Variants in GRIN3A observed in about 807,000 individuals in gnomAD.
The protein encoded by GRIN3A is glutamate ionotropic receptor NMDA type subunit 3A, also known as glutamate receptor ionotropic, NMDA 3A.
A neutral mutation model predicts 92.4 loss-of-function variants in GRIN3A; 47 were observed. The ratio of observed to expected loss-of-function variants is 0.51; its 90% CI spans 0.40 to 0.65. The LOEUF is 0.65. Among genes scored for constraint, GRIN3A ranks in the 30% least tolerant of loss-of-function variants. The pLI, the probability that GRIN3A is intolerant of heterozygous loss-of-function variation, is 0.00. For synonymous variants in GRIN3A, 527 were observed against 540.6 expected (o/e 0.97, Z 0.35); for missense variants, 1,324 against 1,393.1 (o/e 0.95, Z 0.79).
chr9:101,636,365 A>G (rs1828785721), intron 3 of GRIN3A, among the ~76,000 whole-genome samples: 1 of 152,136 alleles, frequency 6.6e-6, no homozygotes, highest in African/African-American at 2.4e-5. Context: ...CCTTCATTCC[A>G]GGCACTGTGC....
At chr9:101,692,522 A>C (rs1369067553) in intron 1 of GRIN3A, among the ~76,000 whole-genome samples, 1 of 152,224 alleles carries the variant, frequency 6.6e-6, no homozygotes, top group Non-Finnish European at 1.5e-5. Context: ...GTTTAAGAGA[A>C]GAGAAAAGAT....
intron 3 of GRIN3A, among the ~76,000 whole-genome samples, chr9:101,658,752 G>GTCTATCTATCTATCTATCTATCTA (rs1246362172): frequency 1.4e-5 from 2 of 139,120 alleles, no homozygotes; most frequent in Non-Finnish European, 3.2e-5. Flanking sequence ...CTATCTATCT[G>GTCTATCTATCTATCTATCTATCTA]TCTATCTGTC....
chr9:101,677,108 T>C (rs963302112), intron 2 of GRIN3A, among the ~76,000 whole-genome samples: 1 of 152,048 alleles, frequency 6.6e-6, no homozygotes, highest in African/African-American at 2.4e-5. Flanking sequence ...ACAGCCAATT[T>C]TGATATTTCA....
rs1449317674 is a variant in GRIN3A, at chr9:101,579,355, C to G, written c.2772G>C (p.Leu924Phe). 5 of 1,613,720 alleles carry G rather than the reference C, an allele frequency of 3.1e-6. No individual in the cohort carries two copies. The highest frequency in any genetic ancestry group is 4.2e-6 in the Non-Finnish European group (5 of 1,179,856). ...CAGAGAAGTGTTTGATGCCCATTTG[C>G]AAAGTCTGTGACAGAATAGGAAAGA... ...GKRSFAVTET[L>F]QMGIKHFSGL... Residue 924 changes from leucine (L) to phenylalanine (F), a missense_variant, in exon 7 of 9, where the codon TTG (leucine) becomes TTC (phenylalanine). Leu to Phe is a conservative substitution (Grantham distance 22). Coordinates refer to ENST00000361820, the MANE Select transcript of GRIN3A (RefSeq NM_133445.3).
At chr9:101,646,661 C>A (rs1054916854) in intron 3 of GRIN3A, among the ~76,000 whole-genome samples, 10 of 151,788 alleles carry the variant, frequency 6.6e-5, no homozygotes, top group African/African-American at 2.4e-4. Context: ...CATAGGATAT[C>A]TTTCCATTTT....
intron 1 of GRIN3A, among the ~76,000 whole-genome samples, chr9:101,690,327 T>G (rs1829598515): frequency 6.6e-6 from 1 of 152,218 alleles, no homozygotes; most frequent in Non-Finnish European, 1.5e-5. Flanking sequence ...CACTTTGAAT[T>G]GAATCTTCAT....
intron 3 of GRIN3A, among the ~76,000 whole-genome samples, chr9:101,630,696 C>T (rs923029125): frequency 3.3e-5 from 5 of 152,158 alleles, no homozygotes; most frequent in Non-Finnish European, 5.9e-5. Flanking sequence ...AAAATTTTCA[C>T]AATAATCTTA....
chr9:101,618,680 A>G (rs1828504038), intron 5 of GRIN3A, among the ~76,000 whole-genome samples: 1 of 152,168 alleles, frequency 6.6e-6, no homozygotes, highest in African/African-American at 2.4e-5. Context: ...ATAGGAAAAT[A>G]AATTATGTGA....
chr9:101,669,725 G>A (rs1050971140), intron 3 of GRIN3A, among the ~76,000 whole-genome samples: 4 of 151,842 alleles, frequency 2.6e-5, no homozygotes, highest in African/African-American at 9.7e-5. Flanking sequence ...TGTGCTTTGG[G>A]TGAAAATACC....
chr9:101,629,580 C>A (rs898890497), intron 3 of GRIN3A, among the ~76,000 whole-genome samples: 8 of 152,162 alleles, frequency 5.3e-5, no homozygotes, highest in Admixed American at 5.2e-4. Flanking sequence ...AGTAATATAG[C>A]TTGCTCTAAG....
At chr9:101,606,572 A>G (rs967887396) in intron 6 of GRIN3A, among the ~76,000 whole-genome samples, 1 of 152,140 alleles carries the variant, frequency 6.6e-6, no homozygotes, top group African/African-American at 2.4e-5. Flanking sequence ...TAGTATCTTA[A>G]CTGGTTTCCT....
intron 3 of GRIN3A, among the ~76,000 whole-genome samples, chr9:101,630,046 T>C (rs748413108): frequency 3.9e-5 from 6 of 152,216 alleles, no homozygotes; most frequent in Non-Finnish European, 5.9e-5. Flanking sequence ...TAGTAGCAAA[T>C]TGCAGTCGTA....
At chr9:101,646,889 T>C (rs979055722) in intron 3 of GRIN3A, among the ~76,000 whole-genome samples, 2 of 151,528 alleles carry the variant, frequency 1.3e-5, no homozygotes, top group Non-Finnish European at 3.0e-5. Context: ...GCTCTAATAG[T>C]TTTTTTTGTA....
At chr9:101,662,201 G>T (rs1829179992) in intron 3 of GRIN3A, among the ~76,000 whole-genome samples, 1 of 151,778 alleles carries the variant, frequency 6.6e-6, no homozygotes, top group Non-Finnish European at 1.5e-5. Context: ...TCTGTTTTTA[G>T]TAGGCAAGAA....
chr9:101,683,439 A>G (rs374485425), intron 2 of GRIN3A, among the ~76,000 whole-genome samples: 2 of 152,236 alleles, frequency 1.3e-5, no homozygotes, highest in African/African-American at 4.8e-5. Context: ...ACTGAGAATA[A>G]CTTACTTTCT....
At chr9:101,616,948 C>CT (rs2118855627) in intron 5 of GRIN3A, among the ~76,000 whole-genome samples, 1 of 149,356 alleles carries the variant, frequency 6.7e-6, no homozygotes, top group South Asian at 2.1e-4. Context: ...CGCCAGTAAT[C>CT]TCGGCACTTT....
At position 101,670,267 on chromosome 9, in the gene GRIN3A, G is replaced by A. The variant is rs1829299142; in HGVS notation, c.2145C>T (p.Ser715=). Residue 715 remains serine, a synonymous_variant, in exon 3 of 9, where the codon TCC becomes TCT. Coordinates refer to ENST00000361820, the MANE Select transcript of GRIN3A (RefSeq NM_133445.3). ...PKGRNRSKVF[S]FSSALNICYA... is the part of the protein sequence containing the mutation. ...AACAGATGTTCAAGGCTGAAGAAAA[G>A]GAGAAGACTTTACTTCTATTTCGCC... 1 of 1,614,060 alleles carries A rather than the reference G, an allele frequency of 6.2e-7. No individual in the cohort carries two copies. The highest frequency in any genetic ancestry group is 8.5e-7 in the Non-Finnish European group (1 of 1,179,968).
rs148925855 is a variant in GRIN3A at position 101,687,069 on chromosome 9, G to A, written c.831C>T (p.Thr277=). ...TATTCTGGGTAAGGAGGAGGAAGTCGGTGATGTTCCAGTCTTCCTGGCACA... is the reference window on the plus strand; with the variant it reads ...TATTCTGGGTAAGGAGGAGGAAGTCAGTGATGTTCCAGTCTTCCTGGCACA... ...LLLCQEDWNI[T]DFLLLTQNNS... is the part of the protein sequence containing the mutation. Residue 277 remains threonine, a synonymous_variant, in exon 2 of 9, where the codon ACC becomes ACT. Transcript: ENST00000361820. 4.5e-5 allele frequency: 73 copies of A among 1,614,118 alleles called. 1 individual carries two copies. In the African/African-American group the frequency reaches 7.6e-4, roughly 17 times the overall value.
At chr9:101,605,706 C>T (rs868735019) in intron 6 of GRIN3A, among the ~76,000 whole-genome samples, 13 of 152,272 alleles carry the variant, frequency 8.5e-5, no homozygotes, top group South Asian at 2.1e-4. Context: ...TTTCCTGCTG[C>T]GCACTTCCCC....
Sources: allele counts gnomAD v4.1 joint callset (sites outside exome capture counted in the v4.1 genomes callset), GRCh38; gene constraint gnomAD v4.1.1; transcripts MANE v1.5; gene names NCBI Gene and HGNC (gene_info 2026-07-23, HGNC 2026-07-21).